SEPTIN6: variants seen among roughly 807,000 people sequenced by gnomAD.
The protein encoded by SEPTIN6 is septin-6.
SEPTIN6 carries 8 observed loss-of-function variants against 33.6 expected under a neutral mutation model. That is an observed-to-expected ratio of 0.24 (90% confidence interval 0.14 to 0.43). The LOEUF (loss-of-function observed/expected upper bound fraction) is 0.43, where lower values mean the gene tolerates loss of function less well. Among genes scored for constraint, SEPTIN6 ranks in the 20% least tolerant of loss-of-function variants. The pLI is 1.00. For missense variants in SEPTIN6, 250 were observed against 340.8 expected (o/e 0.73, Z 2.10); for synonymous variants, 131 against 140.0 (o/e 0.94, Z 0.45).
intron 2 of SEPTIN6, 49 bp downstream of exon 2, chrX:119,675,505 T>G: frequency 1.3e-6 from 1 of 757,751 alleles, no homozygotes; most frequent in Non-Finnish European, 1.9e-6. Flanking sequence ...TATCCAGCCA[T>G]TAAGGATCCA....
At chrX:119,686,718 C>A (rs900946158) in intron 1 of SEPTIN6, 2 of 520,068 alleles carry the variant, frequency 3.8e-6, no homozygotes, top group African/African-American at 2.5e-5. Context: ...TTAAAATAAT[C>A]CATCATTACA....
intron 2 of SEPTIN6, among the ~76,000 whole-genome samples, chrX:119,667,291 G>T (rs988735300): frequency 9.2e-6 from 1 of 108,867 alleles, no homozygotes; most frequent in Non-Finnish European, 1.9e-5. Flanking sequence ...CACACAGAAG[G>T]CCTCAGGGGC....
intron 8 of SEPTIN6, among the ~76,000 whole-genome samples, chrX:119,629,762 C>T (rs1007037673): frequency 1.8e-5 from 2 of 112,158 alleles, no homozygotes; most frequent in Non-Finnish European, 3.8e-5. Context: ...TTTAGTCAGA[C>T]ATTTTGTTAA....
intron 1 of SEPTIN6, among the ~76,000 whole-genome samples, chrX:119,681,619 G>A (rs1254416205): frequency 2.7e-5 from 3 of 111,408 alleles, no homozygotes; most frequent in Non-Finnish European, 5.7e-5. Flanking sequence ...ACCAAATTAT[G>A]GTACACGCAT....
intron 8 of SEPTIN6, among the ~76,000 whole-genome samples, chrX:119,632,935 T>G (rs1284463087): frequency 8.9e-6 from 1 of 112,919 alleles, no homozygotes; most frequent in Admixed American, 9.3e-5. Flanking sequence ...GCCCAATGTT[T>G]GGATTTCTGT....
chrX:119,649,281 A>T (rs780343907), intron 5 of SEPTIN6, among the ~76,000 whole-genome samples: 184 of 106,789 alleles, frequency 1.7e-3, no homozygotes, highest in Non-Finnish European at 2.5e-3. Flanking sequence ...TTTAGTAGAG[A>T]CGGGGTTTTG....
intron 9 of SEPTIN6, among the ~76,000 whole-genome samples, chrX:119,627,682 C>T (rs189884503): frequency 4.6e-5 from 5 of 109,498 alleles, no homozygotes; most frequent in Non-Finnish European, 7.6e-5. Flanking sequence ...GGTGGGACTA[C>T]GGCCATGGAG....
chrX:119,647,456 T>TTTTTC (rs2054279673), intron 5 of SEPTIN6, among the ~76,000 whole-genome samples: 1 of 99,562 alleles, frequency 1.0e-5, no homozygotes, highest in Admixed American at 1.1e-4. Flanking sequence ...ATTTACTTTC[T>TTTTTC]TTTTCTTTCC....
intron 10 of SEPTIN6, among the ~76,000 whole-genome samples, chrX:119,620,393 G>A (rs62599891): frequency 0.039 from 3,804 of 98,360 alleles, 68 homozygotes; most frequent in South Asian, 0.067. Context: ...ATCTCGGCTC[G>A]CTGCAAGCTC....
intron 7 of SEPTIN6, among the ~76,000 whole-genome samples, chrX:119,634,607 T>G (rs2054024308): frequency 9.0e-6 from 1 of 110,963 alleles, no homozygotes; most frequent in Non-Finnish European, 1.9e-5. Flanking sequence ...ATGTACACAC[T>G]GCATGGTTTT....
intron 1 of SEPTIN6, among the ~76,000 whole-genome samples, chrX:119,682,068 G>A (rs1204306057): frequency 1.8e-5 from 2 of 111,071 alleles, no homozygotes; most frequent in Non-Finnish European, 3.8e-5. Context: ...GAAAATAGAA[G>A]TTGTAAACTA....
At chrX:119,637,858 T>C (rs772455217) in intron 6 of SEPTIN6, among the ~76,000 whole-genome samples, 25 of 112,303 alleles carry the variant, frequency 2.2e-4, no homozygotes, top group Non-Finnish European at 4.5e-4. Flanking sequence ...AATAGAGGGA[T>C]AGCCAAGTTG....
At chrX:119,625,975 G>A (rs1183148278) in intron 9 of SEPTIN6, among the ~76,000 whole-genome samples, 1 of 112,177 alleles carries the variant, frequency 8.9e-6, no homozygotes, top group Admixed American at 9.5e-5. Flanking sequence ...ACTCACTACC[G>A]TGACTATGGG....
chrX:119,625,443 TGACAC>T, intron 9 of SEPTIN6, 64 bp from the exon 10 acceptor site: 16 of 1,041,194 alleles, frequency 1.5e-5, no homozygotes, highest in Non-Finnish European at 2.2e-5. Flanking sequence ...TATTATGACT[TGACAC>T]AAACAATGAA....
chrX:119,668,330 GAGAC>G (rs1485473014), intron 2 of SEPTIN6, among the ~76,000 whole-genome samples: 138 of 83,495 alleles, frequency 1.7e-3, no homozygotes, highest in African/African-American at 7.0e-3. Context: ...GAGAGAGAGA[GAGAC>G]AGAGAGAGAG....
chrX:119,617,035 GCC>G lies in SEPTIN6; in HGVS notation c.*3056_*3057del. 4.2e-6 allele frequency: 4 copies of G among 960,832 alleles called. No homozygotes were observed. The highest frequency in any genetic ancestry group is 5.2e-6 in the Non-Finnish European group (4 of 766,462). The allele number at this position is 960,832 out of a possible 1,213,427, so 79.2% of individuals were successfully genotyped here. A position where few individuals can be genotyped will look rare whatever the true frequency, so the allele number is the denominator to read the frequency against. On this transcript the variant is annotated 3_prime_UTR_variant, in exon 11 of 11. Coordinates refer to ENST00000394610, the MANE Select transcript of SEPTIN6 (RefSeq NM_145799.4). ...TTAAAACAAAAAAACAAAAACAAGAGCCATCTACACTGCAGCTAGGGAAAGCA... is the reference window on the plus strand; with the variant it reads ...TTAAAACAAAAAAACAAAAACAAGAGATCTACACTGCAGCTAGGGAAAGCA...
chrX:119,637,160 G>A lies in SEPTIN6; in HGVS notation c.823C>T (p.Arg275Trp), dbSNP rs746541392. 7 of 1,209,818 alleles carry A rather than the reference G, an allele frequency of 5.8e-6. No homozygotes were observed. The highest frequency in any genetic ancestry group is 7.8e-6 in the Non-Finnish European group (7 of 894,977). Residue 275 changes from arginine (R) to tryptophan (W), a missense_variant, in exon 7 of 11, where the codon CGG becomes TGG. Transcript: ENST00000394610. ...NEAHCDFVKL[R>W]EMLIRVNMED... ...ATGTTGACCCGAATCAGCATCTCCC[G>A]CAGCTTCACAAAGTCGCAGTGGGCC... is the stretch of plus-strand genomic sequence containing the variant.
At chrX:119,616,852 T>C, downstream of SEPTIN6, 2 of 1,075,150 alleles carry the variant, frequency 1.9e-6, no homozygotes, top group Non-Finnish European at 1.2e-6. Flanking sequence ...GCACAGATTG[T>C]AGTGTGAGAA....
At chrX:119,620,556 T>C (rs1265592585) in intron 10 of SEPTIN6, among the ~76,000 whole-genome samples, 1 of 109,825 alleles carries the variant, frequency 9.1e-6, no homozygotes, top group African/African-American at 3.3e-5. Flanking sequence ...CCTGACCTCA[T>C]GATCTGCCCG....
Sources: allele counts gnomAD v4.1 joint callset (sites outside exome capture counted in the v4.1 genomes callset), GRCh38; gene constraint gnomAD v4.1.1; transcripts MANE v1.5; gene names NCBI Gene and HGNC (gene_info 2026-07-23, HGNC 2026-07-21).